Variants in TLR5 observed in about 807,000 individuals in gnomAD.
The protein encoded by TLR5 is toll like receptor 5.
For synonymous variants in TLR5, 373 were observed against 384.4 expected (o/e 0.97, Z 0.35); for missense variants, 944 against 999.8 (o/e 0.94, Z 0.75).
At position 223,111,175 on chromosome 1, in the gene TLR5, A is replaced by G. The variant is rs779315333; in HGVS notation, c.1857T>C (p.Val619=). ...CTTCCGTGGAAAGAGAGAAGAGGGA[A>G]ACCCCAGAGAACGAGTCAGGGTACA... The part of the protein sequence containing the change: ...YCVYPDSFSG[V]SLFSLSTEGC... Residue 619 remains valine (V), a synonymous_variant, in exon 6 of 6, where the codon GTT becomes GTC. Coordinates refer to ENST00000642603, the MANE Select transcript of TLR5 (RefSeq NM_003268.6). The G allele has an allele frequency of 1.2e-6, 2 of 1,614,238 alleles. No individual in the cohort carries two copies. Among genetic ancestry groups the G allele is most frequent in the Non-Finnish European group, 1.7e-6 (2 of 1,180,036 alleles).
intron 5 of TLR5, among the ~76,000 whole-genome samples, chr1:223,117,199 G>A (rs1462846519): frequency 2.0e-5 from 3 of 152,098 alleles, no homozygotes; most frequent in East Asian, 1.9e-4. Flanking sequence ...CTCCTGGCCC[G>A]GGTGCTAAGC....
intron 5 of TLR5, among the ~76,000 whole-genome samples, chr1:223,114,321 T>G (rs151041959): frequency 6.6e-4 from 101 of 152,290 alleles, no homozygotes; most frequent in African/African-American, 2.3e-3. Flanking sequence ...GCAGAGAGCT[T>G]GGTGTCTATT....
chr1:223,128,106 G>A (rs1441435169), intron 5 of TLR5: 1 of 152,160 alleles, frequency 6.6e-6, no homozygotes, highest in African/African-American at 2.4e-5. Flanking sequence ...TACCATATGG[G>A]GGGTTACCCT....
chr1:223,132,138 G>A (rs1309494692), intron 5 of TLR5, among the ~76,000 whole-genome samples: 1 of 152,066 alleles, frequency 6.6e-6, no homozygotes, highest in African/African-American at 2.4e-5. Context: ...CAAGATGGGA[G>A]GACTGCTTGA....
chr1:223,112,520 G>T lies in TLR5; in HGVS notation c.512C>A (p.Ser171Tyr). ...GGAGGAAAAATCTATGGACTTTAAGGAATTCAACTTCCCAAATGAAGGATG... is the reference window on the plus strand; with the variant it reads ...GGAGGAAAAATCTATGGACTTTAAGTAATTCAACTTCCCAAATGAAGGATG... The part of the protein sequence containing the change: ...YLHPSFGKLN[S>Y]LKSIDFSSNQ... Residue 171 changes from serine (S) to tyrosine (Y), a missense_variant, in exon 6 of 6, where the codon TCC becomes TAC. Ser to Tyr is a moderately radical substitution (Grantham distance 144). Transcript: ENST00000642603. The T allele has an allele frequency of 6.2e-7, 1 of 1,614,256 alleles. No individual in the cohort carries two copies. The highest frequency in any genetic ancestry group is 1.1e-5 in the South Asian group (1 of 91,084).
At chr1:223,124,421 C>T (rs1259000826) in intron 5 of TLR5, among the ~76,000 whole-genome samples, 2 of 138,342 alleles carry the variant, frequency 1.4e-5, no homozygotes, top group East Asian at 2.1e-4. Context: ...CCAGCCTGGG[C>T]GACAAGAGCA....
intron 2 of TLR5, among the ~76,000 whole-genome samples, chr1:223,138,308 G>C (rs1157020470): frequency 1.3e-5 from 2 of 151,834 alleles, no homozygotes; most frequent in Non-Finnish European, 2.9e-5. Context: ...GTTTTGTTTT[G>C]TTTAGCATTG....
intron 5 of TLR5, among the ~76,000 whole-genome samples, chr1:223,120,937 G>C (rs575122655): frequency 2.0e-5 from 3 of 152,278 alleles, no homozygotes; most frequent in African/African-American, 7.2e-5. Context: ...GCAAAAATTG[G>C]CTGGGCATGG....
Position 223,111,754 on chromosome 1 carries a change from G to A in TLR5, c.1278C>T (p.Asn426=). The A allele has an allele frequency of 1.9e-6, 3 of 1,614,134 alleles. No individual in the cohort carries two copies. The highest frequency in any genetic ancestry group is 2.2e-5 in the South Asian group (2 of 91,080). The stretch of plus-strand genomic sequence containing the variant: ...GCCTGTTTTCTGATAAGTGGATGAG[G>A]TTCGCTGTAAGGTTGATCTTTGGCA... ...VTLPKINLTA[N]LIHLSENRLE... is the part of the protein sequence containing the mutation. Residue 426 remains asparagine, a synonymous_variant, in exon 6 of 6, where the codon AAC becomes AAT. Transcript: ENST00000642603.
chr1:223,134,163 C>T (rs759470720), intron 4 of TLR5, among the ~76,000 whole-genome samples: 16 of 152,172 alleles, frequency 1.1e-4, no homozygotes, highest in Non-Finnish European at 1.9e-4. Flanking sequence ...GCAGCAACAG[C>T]CTGCTTCCGG....
chr1:223,143,237 C>A lies in TLR5; in HGVS notation c.-596G>T, dbSNP rs1168194637. The A allele has an allele frequency of 2.0e-5, 3 of 152,246 alleles. No individual in the cohort carries two copies. Among genetic ancestry groups the A allele is most frequent in the Non-Finnish European group, 4.4e-5 (3 of 68,084 alleles). 9.4% of individuals were successfully genotyped at this position (152,246 alleles called of 1,614,324 possible). On this transcript the variant is annotated 5_prime_UTR_variant, in exon 1 of 6. Transcript: ENST00000642603. ...CGCGCCGCCTGCGCCACGGTTGGCT[C>A]CTCCCGGACGCAAAAGCGGCGCCCT...
chr1:223,111,842 G>T lies in TLR5; in HGVS notation c.1190C>A (p.Thr397Lys), dbSNP rs766735619. The part of the protein sequence containing the change: ...QTLDLRDNAL[T>K]TIHFIPSIPD... ...TATGCTTGGAATAAAATGAATGGTT[G>T]TAAGAGCATTGTCTCGGAGATCCAA... The change falls in exon 6 of 6, where the codon ACA (threonine) becomes AAA (lysine). Residue 397 changes from threonine to lysine, a missense_variant. Physicochemically the swap from Thr to Lys is moderately conservative, Grantham distance 78 (BLOSUM62 -1). Transcript: ENST00000642603. The T allele has an allele frequency of 1.2e-6, 2 of 1,613,908 alleles. No homozygotes were observed. The highest frequency in any genetic ancestry group is 4.5e-5 in the East Asian group (2 of 44,872).
chr1:223,113,209 A>C (rs1773727), intron 5 of TLR5, among the ~76,000 whole-genome samples, 174 bp from the exon 6 acceptor site: 51,564 of 151,604 alleles, frequency 0.34, 9,952 homozygotes, highest in Non-Finnish European at 0.43. Flanking sequence ...TTCTTACTCT[A>C]TTTCTGTTTT....
At chr1:223,114,318 G>A (rs1437163341) in intron 5 of TLR5, among the ~76,000 whole-genome samples, 2 of 152,178 alleles carry the variant, frequency 1.3e-5, no homozygotes, top group Admixed American at 1.3e-4. Flanking sequence ...CCTGCAGAGA[G>A]CTTGGTGTCT....
intron 5 of TLR5, among the ~76,000 whole-genome samples, chr1:223,116,533 C>T (rs764799832): frequency 4.6e-5 from 7 of 152,124 alleles, no homozygotes; most frequent in South Asian, 2.1e-4. Flanking sequence ...AAAGAGCGAG[C>T]GGCAGCAAGA....
At chr1:223,116,078 G>T (rs712867) in intron 5 of TLR5, among the ~76,000 whole-genome samples, 1 of 152,038 alleles carries the variant, frequency 6.6e-6, no homozygotes, top group Non-Finnish European at 1.5e-5. Flanking sequence ...ATCCCCTGCC[G>T]TGTTACTCTT....
In TLR5 at chr1:223,110,668, G is replaced by A. The variant is rs762402365; in HGVS notation, c.2364C>T (p.Ile788=). The change falls in exon 6 of 6, where the codon ATC becomes ATT. Residue 788 remains isoleucine (I), a synonymous_variant. Transcript: ENST00000642603. ...RCLSDLNSAL[I]MVVVGSLSQY... Reference sequence around the variant, plus strand: ...GGGACAAGGACCCAACCACCACCATGATGAGAGCACTGTTAAGGTCAGATA... The same window carrying A: ...GGGACAAGGACCCAACCACCACCATAATGAGAGCACTGTTAAGGTCAGATA... 6.8e-6 allele frequency: 11 copies of A among 1,614,018 alleles called. No homozygotes were observed. Among genetic ancestry groups the A allele is most frequent in the Middle Eastern group, 1.6e-4 (1 of 6,084 alleles).
rs779225599 is a variant in TLR5 at position 223,111,300 on chromosome 1, G to A, written c.1732C>T (p.His578Tyr). 3.1e-6 allele frequency: 5 copies of A among 1,614,012 alleles called. No individual in the cohort carries two copies. The highest frequency in any genetic ancestry group is 4.2e-6 in the Non-Finnish European group (5 of 1,180,032). The stretch of plus-strand genomic sequence containing the variant: ...TCACATTCACAAATGAACTTGTTAT[G>A]AGTTATATCCAAGACACTAAGTGAT... ...FVSLSVLDITHNKFICECELS... is the reference protein window; with the variant it reads ...FVSLSVLDITYNKFICECELS... The change falls in exon 6 of 6, where the codon CAT becomes TAT. Residue 578 changes from histidine (H) to tyrosine (Y), a missense_variant. Coordinates refer to ENST00000642603, the MANE Select transcript of TLR5 (RefSeq NM_003268.6).
intron 5 of TLR5, among the ~76,000 whole-genome samples, chr1:223,126,135 A>C (rs557608433): frequency 6.6e-6 from 1 of 152,190 alleles, no homozygotes; most frequent in Non-Finnish European, 1.5e-5. Context: ...AAATGAACAA[A>C]ATTTGTTGTC....
Sources: gnomAD v4.1 joint callset for allele counts (sites outside exome capture counted in the v4.1 genomes callset) on GRCh38, gnomAD v4.1.1 for gene constraint, MANE v1.5 for transcripts, NCBI Gene and HGNC (gene_info 2026-07-23, HGNC 2026-07-21) for gene names.